TUBGCP4: variants seen among roughly 807,000 people sequenced by gnomAD.
TUBGCP4 encodes tubulin gamma complex component 4, also known as gamma-tubulin complex component 4.
A neutral mutation model predicts 91.6 loss-of-function variants in TUBGCP4; 54 were observed. The ratio of observed to expected loss-of-function variants is 0.59; its 90% CI spans 0.47 to 0.74. The LOEUF (loss-of-function observed/expected upper bound fraction) is 0.74, where lower values mean the gene tolerates loss of function less well. Ranked by LOEUF, TUBGCP4 falls within the 30% of genes least tolerant of loss-of-function variation. TUBGCP4 has a pLI of 0.00. For missense variants in TUBGCP4, 593 were observed against 800.9 expected (o/e 0.74, Z 3.13); for synonymous variants, 297 against 302.8 (o/e 0.98, Z 0.20).
chr15:43,402,217 T>C (rs1595501419), intron 15 of TUBGCP4: 2 of 188,832 alleles, frequency 1.1e-5, no homozygotes, highest in Non-Finnish European at 1.1e-5. Context: ...GAGGCAGAGG[T>C]TGCAGTGAGC....
intron 17 of TUBGCP4, chr15:43,404,863 G>A (rs576103523): frequency 1.7e-4 from 82 of 482,856 alleles, no homozygotes; most frequent in Admixed American, 1.6e-3. Flanking sequence ...CTGTGCAGCC[G>A]TGGGCACCCC....
At chr15:43,400,250 G>A (rs1330471203) in intron 14 of TUBGCP4, 29 bp downstream of exon 14, 3 of 1,598,198 alleles carry the variant, frequency 1.9e-6, no homozygotes, top group South Asian at 2.2e-5. Flanking sequence ...GTAGAAGGAA[G>A]GGGTACGGAA....
At position 43,407,924 on chromosome 15, in the gene TUBGCP4, C is replaced by T; in HGVS notation, c.*2710C>T. 6.2e-7 allele frequency: 1 copy of T among 1,605,728 alleles called. No individual in the cohort carries two copies. Among genetic ancestry groups the T allele is most frequent in the Non-Finnish European group, 8.5e-7 (1 of 1,178,280 alleles). On this transcript the variant is annotated 3_prime_UTR_variant, in exon 18 of 18. Coordinates refer to ENST00000564079, the MANE Select transcript of TUBGCP4 (RefSeq NM_014444.5). ...GGAGATCCCTGGAACAAAGACACTA[C>T]ACACACTCTTTCAGGTACCTTTGTT...
chr15:43,386,357 ATATATATATATATATATATATTT>A lies in TUBGCP4; in HGVS notation c.1014+29_1014+51del. ...TTTGTGTTTCATCGTATATATATAT[ATATATATATATATATATATATTT>A]TTTTTTTTTTTTTTTTTTTTCTTAG... On this transcript the variant is annotated intron_variant, in intron 9 of 17. Transcript: ENST00000564079. 3.4e-5 allele frequency: 2 copies of A among 58,348 alleles called. 1 individual carries two copies. Among genetic ancestry groups the A allele is most frequent in the Non-Finnish European group, 6.9e-5 (2 of 28,946 alleles). 3.6% of individuals were successfully genotyped at this position (58,348 alleles called of 1,614,324 possible).
chr15:43,399,119 C>T lies in TUBGCP4; in HGVS notation c.1419-925C>T, dbSNP rs1179009817. 7 of 1,277,604 alleles carry T rather than the reference C, an allele frequency of 5.5e-6. No individual in the cohort carries two copies. The Admixed American group carries it at 7.1e-5, about 13-fold the overall frequency. The allele number at this position is 1,277,604 out of a possible 1,614,324, so 79.1% of individuals were successfully genotyped here. On this transcript the variant is annotated intron_variant, in intron 13 of 17. Coordinates refer to ENST00000564079, the MANE Select transcript of TUBGCP4 (RefSeq NM_014444.5). ...TTATGTTTGTTCCTTTAGAAATAGA[C>T]AATTTTAAAAACCAAACAGAATGGG...
At chr15:43,379,640 C>CAAAAA (rs1166566829) in intron 5 of TUBGCP4, among the ~76,000 whole-genome samples, 1 of 62,284 alleles carries the variant, frequency 1.6e-5, no homozygotes, top group Non-Finnish European at 4.4e-5. Flanking sequence ...GACTCCGTCT[C>CAAAAA]AAAAAAAAAA....
intron 9 of TUBGCP4, among the ~76,000 whole-genome samples, chr15:43,390,189 G>T (rs2044443258): frequency 6.6e-6 from 1 of 151,970 alleles, no homozygotes; most frequent in Non-Finnish European, 1.5e-5. Context: ...GGGCTAGTTA[G>T]GTTTTGTTCT....
chr15:43,380,040 C>G, intron 5 of TUBGCP4, 44 bp from the exon 6 acceptor site: 1 of 1,578,538 alleles, frequency 6.3e-7, no homozygotes, highest in African/African-American at 1.3e-5. Flanking sequence ...CTTGCATGGA[C>G]TCTTAGAATG....
chr15:43,405,248 C>G lies in TUBGCP4; in HGVS notation c.*34C>G, dbSNP rs761226515. 6.2e-7 allele frequency: 1 copy of G among 1,612,234 alleles called. No homozygotes were observed. Among genetic ancestry groups the G allele is most frequent in the South Asian group, 1.1e-5 (1 of 91,046 alleles). ...GGCTCATAAATTGAAATAACAGCCA[C>G]GTTCCCAAGGTTGTAACAGAAGATT... On this transcript the variant is annotated 3_prime_UTR_variant, in exon 18 of 18. Transcript: ENST00000564079.
At chr15:43,398,210 T>C (rs201382973) in intron 13 of TUBGCP4, 31 bp downstream of exon 13, 39 of 1,596,298 alleles carry the variant, frequency 2.4e-5, no homozygotes, top group Non-Finnish European at 2.9e-5. Context: ...CACAGGTAAA[T>C]ATGACCCACC....
In TUBGCP4 at chr15:43,409,067, A is replaced by G. The variant is rs2045023728; in HGVS notation, c.*3853A>G. On this transcript the variant is annotated 3_prime_UTR_variant, in exon 18 of 18. Coordinates refer to ENST00000564079, the MANE Select transcript of TUBGCP4 (RefSeq NM_014444.5). ...TCCGGGTTCGACAATGCTGATCCGC[A>G]ATTAGAAGACACTGGTAAGCTGTGT... The G allele has an allele frequency of 1.2e-6, 2 of 1,614,088 alleles. No individual in the cohort carries two copies. Among genetic ancestry groups the G allele is most frequent in the Non-Finnish European group, 1.7e-6 (2 of 1,180,046 alleles).
Position 43,383,434 on chromosome 15 carries a change from C to T in TUBGCP4, c.653C>T (p.Pro218Leu), listed in dbSNP as rs773162030. The T allele has an allele frequency of 6.2e-7, 1 of 1,614,048 alleles. No homozygotes were observed. Among genetic ancestry groups the T allele is most frequent in the Non-Finnish European group, 8.5e-7 (1 of 1,179,978 alleles). The change falls in exon 7 of 18, where the codon CCA (proline) becomes CTA (leucine). Residue 218 changes from proline (P) to leucine (L), a missense_variant. Coordinates refer to ENST00000564079, the MANE Select transcript of TUBGCP4 (RefSeq NM_014444.5). Reference protein sequence around the residue: ...GPSSGNVSAQPEEDEEDLGIG... With the variant: ...GPSSGNVSAQLEEDEEDLGIG... ...TCTTCTGGTAATGTCAGTGCCCAGC[C>T]AGAAGAGGACGAGGAGGATCTGGGC...
intron 9 of TUBGCP4, among the ~76,000 whole-genome samples, chr15:43,393,320 C>A (rs982457396): frequency 6.6e-6 from 1 of 151,796 alleles, no homozygotes; most frequent in African/African-American, 2.4e-5. Context: ...AGCGATTCCC[C>A]TGCCTCAGCC....
intron 4 of TUBGCP4, among the ~76,000 whole-genome samples, 174 bp downstream of exon 4, chr15:43,377,241 T>C (rs1196104811): frequency 6.6e-6 from 1 of 152,230 alleles, no homozygotes; most frequent in Non-Finnish European, 1.5e-5. Context: ...TTTCCAAATA[T>C]AGTTAAAACT....
chr15:43,399,905 T>G (rs2044640593), intron 13 of TUBGCP4, 139 bp from the exon 14 acceptor site: 6 of 547,874 alleles, frequency 1.1e-5, no homozygotes, highest in Non-Finnish European at 3.2e-6. Context: ...TATAATTTAT[T>G]TGTCTACATC....
chr15:43,383,867 C>G (rs1248453901), intron 7 of TUBGCP4, among the ~76,000 whole-genome samples: 1 of 152,006 alleles, frequency 6.6e-6, no homozygotes, highest in Non-Finnish European at 1.5e-5. Context: ...ATGGCGCAAT[C>G]TTGGCTCACT....
chr15:43,396,830 CTT>C (rs1388619326), intron 11 of TUBGCP4, among the ~76,000 whole-genome samples: 1 of 152,130 alleles, frequency 6.6e-6, no homozygotes, highest in Non-Finnish European at 1.5e-5. Context: ...GAGCTGGACT[CTT>C]TTAGAGTCTG....
chr15:43,408,127 A>T lies in TUBGCP4; in HGVS notation c.*2913A>T. On this transcript the variant is annotated 3_prime_UTR_variant, in exon 18 of 18. Coordinates refer to ENST00000564079, the MANE Select transcript of TUBGCP4 (RefSeq NM_014444.5). ...AGGAAAGGACCTTAGCATGACAAGTAATATCCAACAAACTGCCTTTCTGCA... is the reference window on the plus strand; with the variant it reads ...AGGAAAGGACCTTAGCATGACAAGTTATATCCAACAAACTGCCTTTCTGCA... 1.9e-6 allele frequency: 3 copies of T among 1,595,666 alleles called. No individual in the cohort carries two copies. The highest frequency in any genetic ancestry group is 1.7e-6 in the Non-Finnish European group (2 of 1,170,330).
At chr15:43,388,466 T>A (rs908135616) in intron 9 of TUBGCP4, among the ~76,000 whole-genome samples, 2 of 152,248 alleles carry the variant, frequency 1.3e-5, no homozygotes, top group African/African-American at 4.8e-5. Context: ...CCCATGTTCC[T>A]GTCCTTTCAA....
Sources: gnomAD v4.1 joint callset for allele counts (sites outside exome capture counted in the v4.1 genomes callset) on GRCh38, gnomAD v4.1.1 for gene constraint, MANE v1.5 for transcripts, NCBI Gene and HGNC (gene_info 2026-07-23, HGNC 2026-07-21) for gene names.